TYW1: variants seen among roughly 807,000 people sequenced by gnomAD.
TYW1 encodes the protein tRNA-yW synthesizing protein 1 homolog, also known as S-adenosyl-L-methionine-dependent tRNA 4-demethylwyosine synthase TYW1.
Under a neutral mutation model 96.2 loss-of-function variants are expected in TYW1, and 46 were observed. That is an observed-to-expected ratio of 0.48 (90% CI 0.38 to 0.61). TYW1 has a LOEUF of 0.61. Among genes scored for constraint, TYW1 ranks in the 20% least tolerant of loss-of-function variants. TYW1 has a pLI of 0.00. For missense variants in TYW1, 684 were observed against 909.6 expected (o/e 0.75, Z 3.19); for synonymous variants, 274 against 323.0 (o/e 0.85, Z 1.63).
chr7:67,032,351 A>G (rs1794697046), intron 7 of TYW1, among the ~76,000 whole-genome samples: 1 of 152,010 alleles, frequency 6.6e-6, no homozygotes, highest in Non-Finnish European at 1.5e-5. Flanking sequence ...TGGCGTGCTG[A>G]ATTGCACATG....
intron 13 of TYW1, among the ~76,000 whole-genome samples, chr7:67,152,207 A>C (rs1330229107): frequency 6.6e-6 from 1 of 152,140 alleles, no homozygotes; most frequent in Non-Finnish European, 1.5e-5. Context: ...TCAAAGCCTA[A>C]AATATTTACT....
intron 13 of TYW1, among the ~76,000 whole-genome samples, chr7:67,123,158 T>G (rs1797811204): frequency 6.6e-6 from 1 of 152,174 alleles, no homozygotes; most frequent in Admixed American, 6.5e-5. Flanking sequence ...AGTGCCAAAG[T>G]CTATTCTTGA....
At chr7:67,141,975 C>T (rs2116116561) in intron 13 of TYW1, among the ~76,000 whole-genome samples, 1 of 152,292 alleles carries the variant, frequency 6.6e-6, no homozygotes, top group East Asian at 1.9e-4. Flanking sequence ...GTGGAGGTTG[C>T]AGTGAGCCAA....
chr7:67,226,568 C>T (rs544176263), intron 15 of TYW1, among the ~76,000 whole-genome samples: 2 of 152,280 alleles, frequency 1.3e-5, no homozygotes, highest in South Asian at 4.1e-4. Flanking sequence ...CTGGCTTCCC[C>T]CAACCCACCA....
chr7:67,023,657 A>G (rs1794352428), intron 6 of TYW1, among the ~76,000 whole-genome samples: 1 of 151,900 alleles, frequency 6.6e-6, no homozygotes, highest in Non-Finnish European at 1.5e-5. Context: ...AGTCCCAGCT[A>G]CTCTGGAGGC....
intron 3 of TYW1, among the ~76,000 whole-genome samples, chr7:67,003,973 G>A (rs945626137): frequency 1.3e-5 from 2 of 152,192 alleles, no homozygotes; most frequent in Non-Finnish European, 2.9e-5. Context: ...GAACCCGGGA[G>A]GCAGAGGTTG....
At chr7:67,041,661 C>G (rs543362558) in intron 7 of TYW1, among the ~76,000 whole-genome samples, 23 of 152,260 alleles carry the variant, frequency 1.5e-4, no homozygotes, top group Non-Finnish European at 3.2e-4. Context: ...GCGTGATCAT[C>G]CATGACACAC....
intron 13 of TYW1, among the ~76,000 whole-genome samples, chr7:67,136,033 C>T (rs6460325): frequency 0.28 from 42,109 of 152,054 alleles, 6,676 homozygotes; most frequent in African/African-American, 0.44. Context: ...ATATTGTTCA[C>T]CTTGTTTTAC....
chr7:67,023,283 G>C (rs776128731), intron 6 of TYW1, among the ~76,000 whole-genome samples: 12 of 151,904 alleles, frequency 7.9e-5, no homozygotes, highest in Non-Finnish European at 1.6e-4. Flanking sequence ...TTTTAGTAGG[G>C]ACAGAGTTTC....
intron 9 of TYW1, among the ~76,000 whole-genome samples, chr7:67,064,683 C>G (rs747817034): frequency 6.6e-6 from 1 of 152,094 alleles, no homozygotes; most frequent in Non-Finnish European, 1.5e-5. Context: ...AAAGACTGAC[C>G]CCTGTGATTC....
At chr7:67,134,051 T>G (rs1798170933) in intron 13 of TYW1, among the ~76,000 whole-genome samples, 1 of 152,058 alleles carries the variant, frequency 6.6e-6, no homozygotes, top group Non-Finnish European at 1.5e-5. Flanking sequence ...ATGTTATTGG[T>G]TTTTATTCCT....
In TYW1 at chr7:67,221,487, G is replaced by A. The variant is rs781355865; in HGVS notation, c.1978-16821G>A. Among the ~76,000 whole-genome samples the A allele has an allele frequency of 2.0e-5, 3 of 152,254 alleles. 1 individual carries two copies. ...TGGGAGGGTTTAATTAATATTCATC[G>A]AAAATAATGACCGATATGGAGGGAT... is the stretch of plus-strand genomic sequence containing the variant. On this transcript the variant is annotated intron_variant, in intron 15 of 15. Coordinates refer to ENST00000359626, the MANE Select transcript of TYW1 (RefSeq NM_018264.4).
chr7:67,110,125 C>T (rs1797356292), intron 12 of TYW1, among the ~76,000 whole-genome samples: 2 of 152,130 alleles, frequency 1.3e-5, no homozygotes, highest in Admixed American at 6.6e-5. Context: ...CAATTATAGA[C>T]GATTGTTTAG....
intron 13 of TYW1, among the ~76,000 whole-genome samples, chr7:67,181,038 C>T (rs1799825700): frequency 6.6e-6 from 1 of 151,648 alleles, no homozygotes; most frequent in East Asian, 1.9e-4. Context: ...GTTTAATTAA[C>T]TGAATTTACC....
At chr7:67,159,058 G>T (rs1799074892) in intron 13 of TYW1, among the ~76,000 whole-genome samples, 2 of 151,972 alleles carry the variant, frequency 1.3e-5, no homozygotes, top group African/African-American at 2.4e-5. Context: ...ATTTTCCTCT[G>T]CTCACTTTAG....
At chr7:67,092,886 T>A (rs1243909003) in intron 11 of TYW1, among the ~76,000 whole-genome samples, 1 of 151,792 alleles carries the variant, frequency 6.6e-6, no homozygotes, top group African/African-American at 2.4e-5. Flanking sequence ...GGTTTCACCA[T>A]GTTGTTCAGG....
intron 10 of TYW1, among the ~76,000 whole-genome samples, chr7:67,080,961 T>G (rs1001975595): frequency 5.0e-5 from 7 of 140,414 alleles, no homozygotes; most frequent in African/African-American, 1.5e-4. Flanking sequence ...TTTTTTTTTT[T>G]TTTTTTGCAG....
At chr7:67,020,892 C>T (rs777191032) in intron 6 of TYW1, among the ~76,000 whole-genome samples, 3 of 150,852 alleles carry the variant, frequency 2.0e-5, no homozygotes, top group Non-Finnish European at 4.4e-5. Context: ...GCTGGGTATG[C>T]TGGCAGGCAC....
chr7:67,211,067 T>C (rs1477011949), intron 15 of TYW1, among the ~76,000 whole-genome samples: 2 of 151,452 alleles, frequency 1.3e-5, no homozygotes, highest in African/African-American at 4.9e-5. Flanking sequence ...CTTATTTCTT[T>C]TGTTGCTCAA....
Sources: allele counts gnomAD v4.1 joint callset (sites outside exome capture counted in the v4.1 genomes callset), GRCh38; gene constraint gnomAD v4.1.1; transcripts MANE v1.5; gene names NCBI Gene and HGNC (gene_info 2026-07-23, HGNC 2026-07-21).